Variants in PALM2AKAP2 observed in about 807,000 individuals in gnomAD.
The protein encoded by PALM2AKAP2 is PALM2 and AKAP2 fusion.
In PALM2AKAP2, 37 loss-of-function variants were observed where a neutral mutation model predicts 71.5. The ratio of observed to expected loss-of-function variants is 0.52; its 90% CI spans 0.40 to 0.68. PALM2AKAP2 has a LOEUF of 0.68. PALM2AKAP2 is among the 30% of genes least tolerant of loss of function. The pLI is 0.00. For missense variants in PALM2AKAP2, 1,224 were observed against 1,191.8 expected, an observed-to-expected ratio of 1.03 and a Z score of -0.40; for synonymous variants, 468 against 478.8, an observed-to-expected ratio of 0.98 and a Z score of 0.29.
At chr9:110,130,533 G>T (rs912135857) in intron 1 of PALM2AKAP2, among the ~76,000 whole-genome samples, 2 of 152,224 alleles carry the variant, frequency 1.3e-5, no homozygotes, top group African/African-American at 4.8e-5. Context: ...TTAAACACAG[G>T]TCTCTGGGAC....
intron 6 of PALM2AKAP2, among the ~76,000 whole-genome samples, chr9:109,981,165 G>A (rs1832263095): frequency 6.6e-6 from 1 of 152,174 alleles, no homozygotes; most frequent in Non-Finnish European, 1.5e-5. Context: ...AAAGTGGACT[G>A]ACCACAGCCA....
chr9:110,073,643 A>G (rs1173327670), intron 1 of PALM2AKAP2, among the ~76,000 whole-genome samples: 1 of 152,214 alleles, frequency 6.6e-6, no homozygotes, highest in Non-Finnish European at 1.5e-5. Context: ...GCACATCTAA[A>G]TGTCACCACT....
intron 6 of PALM2AKAP2, among the ~76,000 whole-genome samples, chr9:110,006,251 G>A (rs1456184499): frequency 1.3e-5 from 2 of 148,672 alleles, no homozygotes; most frequent in African/African-American, 5.0e-5. Context: ...TCGCCTGCCT[G>A]CCTTCCTTCC....
chr9:109,830,512 A>G (rs1327116802), intron 1 of PALM2AKAP2, among the ~76,000 whole-genome samples: 1 of 152,176 alleles, frequency 6.6e-6, no homozygotes, highest in Non-Finnish European at 1.5e-5. Flanking sequence ...TGCCTTTCCT[A>G]CTTCAGGTAG....
At chr9:109,904,580 AG>A (rs1322146138) in intron 3 of PALM2AKAP2, among the ~76,000 whole-genome samples, 1 of 152,062 alleles carries the variant, frequency 6.6e-6, no homozygotes, top group Non-Finnish European at 1.5e-5. Context: ...CTTATAGCTG[AG>A]GGTTCCAGGG....
At chr9:109,910,282 G>T (rs541521645) in intron 3 of PALM2AKAP2, among the ~76,000 whole-genome samples, 1 of 152,320 alleles carries the variant, frequency 6.6e-6, no homozygotes, top group African/African-American at 2.4e-5. Context: ...GCTCTATGGA[G>T]AAAGATGAGT....
intron 1 of PALM2AKAP2, among the ~76,000 whole-genome samples, chr9:109,714,853 A>C (rs952054687): frequency 6.6e-6 from 1 of 152,156 alleles, no homozygotes; most frequent in African/African-American, 2.4e-5. Context: ...CCCATCTCCT[A>C]GCCATGAAGC....
At chr9:109,759,503 C>G (rs1469138474) in intron 1 of PALM2AKAP2, among the ~76,000 whole-genome samples, 3 of 152,100 alleles carry the variant, frequency 2.0e-5, no homozygotes, top group Non-Finnish European at 2.9e-5. Context: ...GAAAAATAAT[C>G]AAACCTGTAA....
At chr9:109,796,764 A>G (rs1827267329) in intron 1 of PALM2AKAP2, among the ~76,000 whole-genome samples, 1 of 152,206 alleles carries the variant, frequency 6.6e-6, no homozygotes, top group South Asian at 2.1e-4. Context: ...CACACTCACT[A>G]TCATGAGAAC....
intron 3 of PALM2AKAP2, among the ~76,000 whole-genome samples, chr9:109,900,232 C>G (rs1387018047): frequency 6.6e-6 from 1 of 152,186 alleles, no homozygotes; most frequent in South Asian, 2.1e-4. Flanking sequence ...TTGACATTTA[C>G]TGAGAAGTAT....
At chr9:109,694,308 A>G (rs1431810066) in intron 1 of PALM2AKAP2, among the ~76,000 whole-genome samples, 1 of 152,108 alleles carries the variant, frequency 6.6e-6, no homozygotes, top group Non-Finnish European at 1.5e-5. Context: ...AAAATCAGCC[A>G]TTAAGAAAAA....
exon 3 of PALM2AKAP2, chr9:109,880,582 A>G (rs1829822910): frequency 6.2e-7 from 1 of 1,613,306 alleles, no homozygotes; most frequent in Non-Finnish European, 8.5e-7. Flanking sequence ...TGGCTGCTGC[A>G]GGGCATACCC....
rs75262504 is a variant in PALM2AKAP2, at chr9:109,793,415, C to T, written c.45+12882C>T. Among the ~76,000 whole-genome samples the T allele has an allele frequency of 5.7e-3, 867 of 152,338 alleles. 8 individuals are homozygous for T. Among genetic ancestry groups the T allele is most frequent in the African/African-American group, 0.02 (820 of 41,570 alleles). On this transcript the variant is annotated intron_variant, in intron 1 of 9. Coordinates refer to the PALM2AKAP2 transcript ENST00000302798. ...CCTTCAGCAAGCCATATATCTTATA[C>T]TGCACTGAGCAGGACAGTGCCCTGT... is the stretch of plus-strand genomic sequence containing the variant.
At chr9:110,107,688 TC>T in intron 1 of PALM2AKAP2, among the ~76,000 whole-genome samples, 1 of 152,262 alleles carries the variant, frequency 6.6e-6, no homozygotes, top group South Asian at 2.1e-4. Context: ...TGCCTCAGCC[TC>T]CCGAGTAGCT....
intron 7 of PALM2AKAP2, among the ~76,000 whole-genome samples, chr9:110,032,944 A>G (rs142089194): frequency 0.011 from 1,640 of 151,942 alleles, 35 homozygotes; most frequent in Non-Finnish European, 0.012. Context: ...TCTATTATAA[A>G]TAAATAAATT....
chr9:110,135,228 G>C (rs1357208571), intron 1 of PALM2AKAP2, among the ~76,000 whole-genome samples: 1 of 109,658 alleles, frequency 9.1e-6, no homozygotes, highest in Non-Finnish European at 1.8e-5. Flanking sequence ...GTAGTCCCAG[G>C]AGGTAGAGGT....
At chr9:110,016,478 A>C (rs1301882018) in intron 7 of PALM2AKAP2, among the ~76,000 whole-genome samples, 1 of 152,210 alleles carries the variant, frequency 6.6e-6, no homozygotes, top group Non-Finnish European at 1.5e-5. Context: ...AGTAGCTTTG[A>C]TCTTGGCTCA....
At chr9:109,821,975 G>T (rs2131494540) in intron 1 of PALM2AKAP2, among the ~76,000 whole-genome samples, 1 of 152,348 alleles carries the variant, frequency 6.6e-6, no homozygotes, top group East Asian at 1.9e-4. Context: ...AGACCTGGAT[G>T]CCCTTCTCTT....
At chr9:109,741,829 A>T (rs1378843268) in intron 1 of PALM2AKAP2, among the ~76,000 whole-genome samples, 2 of 152,236 alleles carry the variant, frequency 1.3e-5, no homozygotes, top group African/African-American at 2.4e-5. Flanking sequence ...ATCCAATTCC[A>T]CATTATTTGT....
Sources: gnomAD v4.1 joint callset for allele counts (sites outside exome capture counted in the v4.1 genomes callset) on GRCh38, gnomAD v4.1.1 for gene constraint, MANE v1.5 for transcripts, NCBI Gene and HGNC (gene_info 2026-07-23, HGNC 2026-07-21) for gene names.